Variants in STXBP5L observed in about 807,000 individuals in gnomAD.
The protein encoded by STXBP5L is syntaxin-binding protein 5-like.
In STXBP5L, 65 loss-of-function variants were observed where a neutral mutation model predicts 144.5. The ratio of observed to expected loss-of-function variants is 0.45; its 90% CI spans 0.37 to 0.55. STXBP5L has a LOEUF of 0.55. STXBP5L is among the 20% of genes least tolerant of loss of function. STXBP5L has a pLI of 0.00. For missense variants in STXBP5L, 1,298 were observed against 1,405.5 expected, an observed-to-expected ratio of 0.92 and a Z score of 1.22; for synonymous variants, 505 against 469.6, an observed-to-expected ratio of 1.08 and a Z score of -0.97.
chr3:120,970,697 G>A (rs1390806401), intron 3 of STXBP5L, among the ~76,000 whole-genome samples: 1 of 152,060 alleles, frequency 6.6e-6, no homozygotes, highest in African/African-American at 2.4e-5. Flanking sequence ...CCTGGACGAT[G>A]TCTTCTTTCT....
At chr3:121,379,045 A>G (rs950420873) in intron 21 of STXBP5L, among the ~76,000 whole-genome samples, 159 bp downstream of exon 21, 1 of 151,938 alleles carries the variant, frequency 6.6e-6, no homozygotes, top group Non-Finnish European at 1.5e-5. Flanking sequence ...CATAACTCCA[A>G]CTCCATTCCT....
At position 120,955,016 on chromosome 3, in the gene STXBP5L, C is replaced by T. The variant is rs777299263; in HGVS notation, c.266C>T (p.Thr89Met). ...DPVQKILAIGTRTGAIRILGR... is the reference protein window; with the variant it reads ...DPVQKILAIGMRTGAIRILGR... Reference sequence around the variant, plus strand: ...GTTCAGAAAATCTTGGCTATTGGGACGAGAACAGGTGCTATACGAATGTAT... The same window carrying T: ...GTTCAGAAAATCTTGGCTATTGGGATGAGAACAGGTGCTATACGAATGTAT... Residue 89 changes from threonine (T) to methionine (M), a missense_variant, in exon 3 of 27, where the codon ACG becomes ATG. By Grantham distance (81) the Thr-to-Met change is moderately conservative. Coordinates refer to ENST00000471454, the MANE Select transcript of STXBP5L (RefSeq NM_001308330.2). 2.2e-5 allele frequency: 36 copies of T among 1,612,096 alleles called. No homozygotes were observed. Among genetic ancestry groups the T allele is most frequent in the East Asian group, 2.0e-4 (9 of 44,796 alleles).
chr3:121,146,835 G>A (rs529199406), intron 7 of STXBP5L, among the ~76,000 whole-genome samples: 2 of 152,112 alleles, frequency 1.3e-5, no homozygotes, highest in East Asian at 1.9e-4. Context: ...TAGTATACAG[G>A]TAGTGCTTAC....
chr3:120,976,271 G>T (rs1203384757), intron 3 of STXBP5L, among the ~76,000 whole-genome samples: 1 of 152,100 alleles, frequency 6.6e-6, no homozygotes, highest in East Asian at 1.9e-4. Context: ...GTTTAGTCTT[G>T]GGAGGGTGTA....
chr3:121,057,837 T>A (rs1338943017), intron 5 of STXBP5L, among the ~76,000 whole-genome samples: 1 of 152,058 alleles, frequency 6.6e-6, no homozygotes, highest in Non-Finnish European at 1.5e-5. Flanking sequence ...TTTTTATATC[T>A]CTTTTTTCTA....
rs563428853 is a variant in STXBP5L at position 121,316,565 on chromosome 3, G to A, written c.2111-1910G>A. ...CCCTGTTTTCTTATCTGTATGATGG[G>A]GTTAATATTATAACCCCTCTAATTA... On this transcript the variant is annotated intron_variant, in intron 19 of 26. Transcript: ENST00000471454. 1.1e-4 allele frequency among the ~76,000 whole-genome samples: 16 copies of A among 152,112 alleles called. No homozygotes were observed. The East Asian group carries it at 3.1e-3, about 29-fold the overall frequency.
intron 11 of STXBP5L, among the ~76,000 whole-genome samples, chr3:121,233,006 T>A (rs1273592929): frequency 6.6e-6 from 1 of 152,192 alleles, no homozygotes; most frequent in Non-Finnish European, 1.5e-5. Flanking sequence ...TGTGGTTGCA[T>A]GCTTTGTTTA....
At chr3:120,980,389 G>A (rs958508424) in intron 3 of STXBP5L, among the ~76,000 whole-genome samples, 1 of 150,286 alleles carries the variant, frequency 6.7e-6, no homozygotes, top group South Asian at 2.1e-4. Context: ...TATGAATATG[G>A]GTGCTCTATG....
At chr3:121,050,923 G>T (rs1339162459) in intron 5 of STXBP5L, among the ~76,000 whole-genome samples, 1 of 152,088 alleles carries the variant, frequency 6.6e-6, no homozygotes. Flanking sequence ...AAAAAAAGCA[G>T]GGGTTGCAAT....
intron 3 of STXBP5L, among the ~76,000 whole-genome samples, chr3:120,999,989 G>C (rs1943643185): frequency 6.6e-6 from 1 of 152,162 alleles, no homozygotes; most frequent in South Asian, 2.1e-4. Context: ...CTGTTAGCCT[G>C]ATGGGGCTCC....
chr3:121,352,128 G>A (rs2045311385), intron 20 of STXBP5L, among the ~76,000 whole-genome samples: 1 of 152,102 alleles, frequency 6.6e-6, no homozygotes, highest in Admixed American at 6.6e-5. Context: ...GATGCCTCCA[G>A]CTTTGTTCTT....
chr3:121,004,499 G>C (rs955561382), intron 3 of STXBP5L, among the ~76,000 whole-genome samples: 38 of 151,664 alleles, frequency 2.5e-4, no homozygotes, highest in Non-Finnish European at 3.8e-4. Context: ...TCTGCAAACA[G>C]GGACAATTTG....
Position 121,381,289 on chromosome 3 carries a change from A to C in STXBP5L, c.2348-4A>C. 6.3e-7 allele frequency: 1 copy of C among 1,581,532 alleles called. No individual in the cohort carries two copies. The highest frequency in any genetic ancestry group is 8.5e-7 in the Non-Finnish European group (1 of 1,169,750). On this transcript the variant is annotated splice_region_variant and splice_polypyrimidine_tract_variant and intron_variant, in intron 21 of 26. Coordinates refer to ENST00000471454, the MANE Select transcript of STXBP5L (RefSeq NM_001308330.2). Reference sequence around the variant, plus strand: ...GTGTGGTTTTTTTTTATTTATTTCCATAGAAAACCGAGAAAATTCCTATAA... The same window carrying C: ...GTGTGGTTTTTTTTTATTTATTTCCCTAGAAAACCGAGAAAATTCCTATAA...
rs2046495339 is a variant in STXBP5L at position 121,166,288 on chromosome 3, GACC to G, written c.877+8665_877+8667del. 2.0e-5 allele frequency among the ~76,000 whole-genome samples: 3 copies of G among 152,234 alleles called. No individual in the cohort carries two copies. The South Asian group carries it at 6.2e-4, about 32-fold the overall frequency. ...CCCAAAGTGCTGGGATTACAGGCAT[GACC>G]ACCGTTCCTGGCTTTCATATATTTC... On this transcript the variant is annotated intron_variant, in intron 9 of 26. Coordinates refer to ENST00000471454, the MANE Select transcript of STXBP5L (RefSeq NM_001308330.2).
intron 22 of STXBP5L, 73 bp from the exon 23 acceptor site, chr3:121,407,170 T>C (rs1014518940): frequency 5.1e-5 from 76 of 1,494,084 alleles, no homozygotes; most frequent in Non-Finnish European, 6.8e-5. Flanking sequence ...ATTATCACAA[T>C]GTAAAACTTT....
At chr3:121,070,476 A>G (rs7642185) in intron 5 of STXBP5L, among the ~76,000 whole-genome samples, 15,098 of 152,156 alleles carry the variant, frequency 0.099, 1,179 homozygotes, top group Admixed American at 0.2. Context: ...AACTTTAGGA[A>G]GATTTTAAAA....
intron 22 of STXBP5L, among the ~76,000 whole-genome samples, chr3:121,397,771 T>A (rs568777614): frequency 5.1e-4 from 77 of 152,348 alleles, no homozygotes; most frequent in Middle Eastern, 3.4e-3. Context: ...ACAGAAATTA[T>A]AATTGGTTGA....
At chr3:121,382,814 A>G (rs2046349141) in intron 22 of STXBP5L, among the ~76,000 whole-genome samples, 1 of 152,214 alleles carries the variant, frequency 6.6e-6, no homozygotes, top group African/African-American at 2.4e-5. Flanking sequence ...ACATATACTT[A>G]GACCAAAAAA....
chr3:121,038,678 G>A (rs966390832), intron 3 of STXBP5L, among the ~76,000 whole-genome samples: 5 of 151,730 alleles, frequency 3.3e-5, no homozygotes, highest in African/African-American at 4.8e-5. Flanking sequence ...ATTAGTTATC[G>A]AGAAAGGGGT....
Sources: gnomAD v4.1 joint callset for allele counts (sites outside exome capture counted in the v4.1 genomes callset) on GRCh38, gnomAD v4.1.1 for gene constraint, MANE v1.5 for transcripts, NCBI Gene and HGNC (gene_info 2026-07-23, HGNC 2026-07-21) for gene names.